Variants in GRIA1 observed in about 807,000 individuals in gnomAD.
GRIA1 encodes the protein glutamate ionotropic receptor AMPA type subunit 1, also known as glutamate receptor 1.
GRIA1 carries 31 observed loss-of-function variants against 99.2 expected under a neutral mutation model. The observed-to-expected ratio is 0.31, with a 90% CI of 0.23 to 0.42. GRIA1 has a LOEUF of 0.42. GRIA1 is among the 10% of genes least tolerant of loss of function. The pLI is 1.00. For missense variants in GRIA1, 782 were observed against 1,157.5 expected, an observed-to-expected ratio of 0.68 and a Z score of 4.71; for synonymous variants, 438 against 432.4, an observed-to-expected ratio of 1.01 and a Z score of -0.16.
intron 2 of GRIA1, among the ~76,000 whole-genome samples, chr5:153,523,448 C>T (rs1182542449): frequency 1.3e-5 from 2 of 152,282 alleles, no homozygotes; most frequent in African/African-American, 2.4e-5. Flanking sequence ...TGAACTTCCA[C>T]AGTACTACTC....
chr5:153,589,259 A>C (rs2149384403), intron 2 of GRIA1, among the ~76,000 whole-genome samples: 1 of 152,298 alleles, frequency 6.6e-6, no homozygotes. Flanking sequence ...GAAGAAAAAA[A>C]GAAGCAATAT....
chr5:153,698,212 G>T, intron 9 of GRIA1, 58 bp downstream of exon 9: 1 of 935,680 alleles, frequency 1.1e-6, no homozygotes, highest in Non-Finnish European at 1.7e-6. Flanking sequence ...CAGCACAAGG[G>T]TTTTCCACCA....
chr5:153,595,820 TACTA>T (rs1277366226), intron 2 of GRIA1, among the ~76,000 whole-genome samples: 1 of 150,536 alleles, frequency 6.6e-6, no homozygotes, highest in African/African-American at 2.4e-5. Flanking sequence ...TTTAGTCCTT[TACTA>T]ACTAACAAAG....
chr5:153,758,725 C>A (rs1471821708), intron 11 of GRIA1, among the ~76,000 whole-genome samples: 2 of 151,890 alleles, frequency 1.3e-5, no homozygotes, highest in Non-Finnish European at 2.9e-5. Flanking sequence ...ACCTAACATA[C>A]CTTTATAGAA....
At position 153,635,886 on chromosome 5, in the gene GRIA1, C is replaced by T. The variant is rs114178006; in HGVS notation, c.221-11042C>T. Among the ~76,000 whole-genome samples the T allele has an allele frequency of 5.3e-3, 814 of 152,318 alleles. 8 individuals are homozygous for T. Among genetic ancestry groups the T allele is most frequent in the African/African-American group, 0.018 (743 of 41,566 alleles). On this transcript the variant is annotated intron_variant, in intron 2 of 15. Transcript: ENST00000285900. The stretch of plus-strand genomic sequence containing the variant: ...GTGGCTTTTAGCCATGGAGCAGTGT[C>T]ATAGCCTCCTCTAGTCCAAAGCTGG...
At chr5:153,731,192 TTCTTTCTCTCTCTC>T (rs1350861650) in intron 11 of GRIA1, among the ~76,000 whole-genome samples, 1 of 151,916 alleles carries the variant, frequency 6.6e-6, no homozygotes, top group Non-Finnish European at 1.5e-5. Context: ...CTTCTCTCTC[TTCTTTCTCTCTCTC>T]TCTTTCTCTC....
chr5:153,565,819 A>G (rs1493391), intron 2 of GRIA1, among the ~76,000 whole-genome samples: 11,780 of 148,842 alleles, frequency 0.079, 1,235 homozygotes, highest in African/African-American at 0.24. Flanking sequence ...GAAATATTAT[A>G]GGACTATAGT....
intron 12 of GRIA1, among the ~76,000 whole-genome samples, chr5:153,768,476 C>T (rs1378411222): frequency 6.6e-6 from 1 of 152,104 alleles, no homozygotes; most frequent in Non-Finnish European, 1.5e-5. Flanking sequence ...GTCCAGTGTC[C>T]TTTCTAGATT....
intron 2 of GRIA1, among the ~76,000 whole-genome samples, chr5:153,641,930 T>C (rs1387504104): frequency 2.6e-5 from 4 of 152,184 alleles, no homozygotes; most frequent in Non-Finnish European, 4.4e-5. Context: ...ATGGGCTGGT[T>C]TACCACTGTA....
At chr5:153,517,655 C>G (rs1756751419) in intron 2 of GRIA1, among the ~76,000 whole-genome samples, 1 of 152,214 alleles carries the variant, frequency 6.6e-6, no homozygotes, top group Non-Finnish European at 1.5e-5. Context: ...TCTAGTTCAT[C>G]AGCAAGTCTG....
intron 2 of GRIA1, among the ~76,000 whole-genome samples, chr5:153,586,384 C>T (rs781670239): frequency 9.9e-5 from 15 of 152,104 alleles, no homozygotes; most frequent in East Asian, 1.9e-4. Context: ...CCTCATTCAC[C>T]GAGTAAGGAG....
At chr5:153,641,616 C>T (rs1662914876) in intron 2 of GRIA1, among the ~76,000 whole-genome samples, 1 of 152,304 alleles carries the variant, frequency 6.6e-6, no homozygotes, top group Middle Eastern at 3.4e-3. Context: ...TCTGGCAGGG[C>T]TCCCTGAATG....
intron 2 of GRIA1, among the ~76,000 whole-genome samples, chr5:153,582,434 G>A (rs575624564): frequency 3.5e-4 from 54 of 152,198 alleles, no homozygotes; most frequent in African/African-American, 1.1e-3. Context: ...TTGATCCATT[G>A]GTAGCACCCA....
Position 153,490,744 on chromosome 5 carries a change from A to T in GRIA1, c.-145A>T. 2.7e-6 allele frequency: 2 copies of T among 734,210 alleles called. No homozygotes were observed. The highest frequency in any genetic ancestry group is 1.6e-5 in the South Asian group (1 of 63,440). 45.5% of individuals were successfully genotyped at this position (734,210 alleles called of 1,614,324 possible). ...ATTCCAAGGGAAACAGACAAACCTC[A>T]CGAAAGGAAGGAAGCAAGCAAGCAA... On this transcript the variant is annotated 5_prime_UTR_variant, in exon 1 of 16. Coordinates refer to ENST00000285900, the MANE Select transcript of GRIA1 (RefSeq NM_000827.4).
intron 2 of GRIA1, among the ~76,000 whole-genome samples, chr5:153,623,336 C>T (rs1265483549): frequency 3.3e-5 from 5 of 152,122 alleles, no homozygotes; most frequent in South Asian, 2.1e-4. Flanking sequence ...GGACTTAGCA[C>T]GAGAGGATGA....
chr5:153,617,875 C>G (rs1561695268), intron 2 of GRIA1, among the ~76,000 whole-genome samples: 1 of 152,196 alleles, frequency 6.6e-6, no homozygotes, highest in Admixed American at 6.5e-5. Flanking sequence ...GGTGGCATTA[C>G]CCACCTTCCC....
At chr5:153,780,065 T>C (rs1397152618) in intron 13 of GRIA1, among the ~76,000 whole-genome samples, 1 of 152,230 alleles carries the variant, frequency 6.6e-6, no homozygotes, top group African/African-American at 2.4e-5. Context: ...CTCCTCCTGC[T>C]GATACACAAA....
chr5:153,576,826 T>TGATGC (rs1474172455), intron 2 of GRIA1, among the ~76,000 whole-genome samples: 4 of 152,236 alleles, frequency 2.6e-5, no homozygotes, highest in Non-Finnish European at 5.9e-5. Context: ...CTCAGTGAGC[T>TGATGC]GATGCAATAA....
chr5:153,523,781 A>G (rs572171966), intron 2 of GRIA1, among the ~76,000 whole-genome samples: 1 of 152,336 alleles, frequency 6.6e-6, no homozygotes, highest in African/African-American at 2.4e-5. Context: ...CTGTGTCCCT[A>G]GTATCAAGAA....
Sources: gnomAD v4.1 joint callset for allele counts (sites outside exome capture counted in the v4.1 genomes callset) on GRCh38, gnomAD v4.1.1 for gene constraint, MANE v1.5 for transcripts, NCBI Gene and HGNC (gene_info 2026-07-23, HGNC 2026-07-21) for gene names.